Variants in PRR12 observed in about 807,000 individuals in gnomAD.
PRR12 encodes proline-rich protein 12.
PRR12 carries 12 observed loss-of-function variants against 138.0 expected under a neutral mutation model. The observed-to-expected ratio is 0.09, with a 90% confidence interval of 0.06 to 0.14. The LOEUF is 0.14. Among genes scored for constraint, PRR12 ranks in the 10% least tolerant of loss-of-function variants. The pLI is 1.00. For missense variants in PRR12, 2,692 were observed against 2,861.3 expected (o/e 0.94, Z 1.35); for synonymous variants, 1,567 against 1,291.7 (o/e 1.21, Z -4.57).
rs556503418 is a variant in PRR12 at position 49,614,468 on chromosome 19, G to C, written c.4774-65G>C. The C allele has an allele frequency of 1.7e-6, 2 of 1,192,822 alleles. No homozygotes were observed. The highest frequency in any genetic ancestry group is 5.2e-5 in the East Asian group (2 of 38,778). 73.9% of individuals were successfully genotyped at this position (1,192,822 alleles called of 1,614,324 possible). Reference sequence around the variant, plus strand: ...GTGAGGGAAGCCAGTGGGCCAGGGCGTAGGGGCAGTAGGTCTAGGAATGAG... The same window carrying C: ...GTGAGGGAAGCCAGTGGGCCAGGGCCTAGGGGCAGTAGGTCTAGGAATGAG... On this transcript the variant is annotated intron_variant, in intron 6 of 13. Coordinates refer to ENST00000418929, the MANE Select transcript of PRR12 (RefSeq NM_020719.3). This position sits in a 1 kb window ranked among gnomAD's most constrained non-coding sequence, Gnocchi z 5.0.
chr19:49,598,143 G>A (rs1299550646), intron 4 of PRR12, 130 bp downstream of exon 4: 3 of 1,057,892 alleles, frequency 2.8e-6, no homozygotes, highest in African/African-American at 1.7e-5. Flanking sequence ...GCACGATCTC[G>A]GTTCACTGCA....
intron 6 of PRR12, among the ~76,000 whole-genome samples, chr19:49,607,286 G>A (rs2080843498): frequency 6.6e-6 from 1 of 152,100 alleles, no homozygotes. Flanking sequence ...CCCGGATGTC[G>A]AGGCTACAGT....
chr19:49,594,367 C>A lies in PRR12; in HGVS notation c.200-87C>A. 2 of 1,337,254 alleles carry A rather than the reference C, an allele frequency of 1.5e-6. No individual in the cohort carries two copies. Among genetic ancestry groups the A allele is most frequent in the South Asian group, 1.5e-5 (1 of 68,272 alleles). The allele number at this position is 1,337,254 out of a possible 1,614,324, so 82.8% of individuals were successfully genotyped here. On this transcript the variant is annotated intron_variant, in intron 2 of 13. Coordinates refer to ENST00000418929, the MANE Select transcript of PRR12 (RefSeq NM_020719.3). The surrounding 1 kb of genome is among the most constrained non-coding windows in gnomAD (Gnocchi z 5.6). ...CTCCCATCCCCTCCTTTTCCTGATC[C>A]AACTTGCTTTTGGCCTCTTCCCTTT... is the stretch of plus-strand genomic sequence containing the variant.
intron 6 of PRR12, among the ~76,000 whole-genome samples, chr19:49,608,798 C>T (rs985400162): frequency 4.6e-5 from 7 of 151,948 alleles, no homozygotes; most frequent in African/African-American, 1.7e-4. Context: ...CATGATTACA[C>T]CACTGCACTC....
intron 6 of PRR12, among the ~76,000 whole-genome samples, chr19:49,602,121 T>C (rs1170126527): frequency 6.6e-6 from 1 of 152,214 alleles, no homozygotes; most frequent in Non-Finnish European, 1.5e-5. Flanking sequence ...TGTCTGTACA[T>C]GCATTACCTG....
intron 1 of PRR12, among the ~76,000 whole-genome samples, 197 bp downstream of exon 1, chr19:49,591,937 C>G (rs2080730818): frequency 6.6e-6 from 1 of 152,154 alleles, no homozygotes; most frequent in Non-Finnish European, 1.5e-5. Context: ...AAGCCAGCTC[C>G]GGCATGCAAA....
intron 5 of PRR12, among the ~76,000 whole-genome samples, chr19:49,600,472 G>A (rs1444789789): frequency 6.7e-6 from 1 of 148,484 alleles, no homozygotes; most frequent in Non-Finnish European, 1.5e-5. Flanking sequence ...GGCACAGAGG[G>A]GAGTGTTCAA....
intron 6 of PRR12, among the ~76,000 whole-genome samples, chr19:49,604,639 C>G (rs1034800437): frequency 9.9e-5 from 15 of 151,982 alleles, no homozygotes; most frequent in African/African-American, 3.6e-4. Flanking sequence ...CATCACGCCA[C>G]TGCACTCCAG....
chr19:49,615,680 G>C, intron 8 of PRR12, 67 bp from the exon 9 acceptor site: 1 of 1,358,814 alleles, frequency 7.4e-7, no homozygotes, highest in South Asian at 1.3e-5. Context: ...GCACTGAGCA[G>C]GGACCCTGAG....
rs1458058429 is a variant in PRR12 at position 49,597,105 on chromosome 19, C to A, written c.2770C>A (p.Pro924Thr). 1.7e-5 allele frequency: 27 copies of A among 1,551,184 alleles called. No individual in the cohort carries two copies. The highest frequency in any genetic ancestry group is 2.4e-5 in the Non-Finnish European group (27 of 1,147,502). Residue 924 changes from proline (P) to threonine (T), a missense_variant, in exon 4 of 14, where the codon CCG becomes ACG. Transcript: ENST00000418929. The surrounding 1 kb of genome is among the most constrained non-coding windows in gnomAD (Gnocchi z 6.3). The part of the protein sequence containing the change: ...RSPSPQGTKA[P>T]RFVPLTSICF... The stretch of plus-strand genomic sequence containing the variant: ...CCCCAGCCCGCAAGGCACCAAGGCG[C>A]CGCGTTTCGTGCCGCTCACCTCCAT...
At chr19:49,607,564 C>T (rs995642132) in intron 6 of PRR12, among the ~76,000 whole-genome samples, 3 of 151,544 alleles carry the variant, frequency 2.0e-5, no homozygotes, top group South Asian at 4.2e-4. Flanking sequence ...AAAAATTAGC[C>T]GGATATAGTG....
In PRR12 at chr19:49,595,502, C is replaced by T. The variant is rs1393275810; in HGVS notation, c.1167C>T (p.Tyr389=). 1 of 1,560,442 alleles carries T rather than the reference C, an allele frequency of 6.4e-7. No homozygotes were observed. ...GCCCCATCATTCAGTCGCCTGGGTACAAGACGGGCAAAGGTGGTTATGGAG... is the reference window on the plus strand; with the variant it reads ...GCCCCATCATTCAGTCGCCTGGGTATAAGACGGGCAAAGGTGGTTATGGAG... The part of the protein sequence containing the change: ...GYRPIIQSPG[Y]KTGKGGYGAA... The change falls in exon 4 of 14, where the codon TAC becomes TAT. Residue 389 remains tyrosine (Y), a synonymous_variant. Coordinates refer to ENST00000418929, the MANE Select transcript of PRR12 (RefSeq NM_020719.3).
chr19:49,598,391 T>C (rs1441334168), intron 4 of PRR12, among the ~76,000 whole-genome samples: 1 of 152,102 alleles, frequency 6.6e-6, no homozygotes, highest in African/African-American at 2.4e-5. Context: ...GTTTTGAGTC[T>C]TAAAGGACAG....
chr19:49,622,022 G>C (rs1296784725), intron 11 of PRR12, among the ~76,000 whole-genome samples: 1 of 152,214 alleles, frequency 6.6e-6, no homozygotes, highest in Non-Finnish European at 1.5e-5. Context: ...GGGATATTCT[G>C]GGATGGAATA....
Position 49,625,146 on chromosome 19 carries a change from C to G in PRR12, c.5910C>G (p.Leu1970=). The change falls in exon 13 of 14, where the codon CTC becomes CTG. Residue 1970 remains leucine, a synonymous_variant. Transcript: ENST00000418929. The surrounding 1 kb of genome is among the most constrained non-coding windows in gnomAD (Gnocchi z 5.5). ...VELEKSGYYT[L]YHSLHHYKYH... is the part of the protein sequence containing the mutation. ...TGGAAAAGTCGGGATACTATACACT[C>G]TACCATTCGCTCCACCACTATAAAT... 6.2e-7 allele frequency: 1 copy of G among 1,613,758 alleles called. No homozygotes were observed. Among genetic ancestry groups the G allele is most frequent in the South Asian group, 1.1e-5 (1 of 91,086 alleles).
rs1450487300 is a variant in PRR12, at chr19:49,595,980, G to A, written c.1645G>A (p.Gly549Arg). ...PALSGHGGGW[G>R]PSSLGGGGEA... The stretch of plus-strand genomic sequence containing the variant: ...GCTCTCGGGCCATGGGGGTGGCTGG[G>A]GACCCAGCTCCCTGGGAGGCGGCGG... Residue 549 changes from glycine (G) to arginine (R), a missense_variant, in exon 4 of 14, where the codon GGA becomes AGA. Gly to Arg is a moderately radical substitution (Grantham distance 125). Coordinates refer to ENST00000418929, the MANE Select transcript of PRR12 (RefSeq NM_020719.3). 1 of 1,600,664 alleles carries A rather than the reference G, an allele frequency of 6.2e-7. No individual in the cohort carries two copies. Among genetic ancestry groups the A allele is most frequent in the South Asian group, 1.1e-5 (1 of 91,066 alleles).
At chr19:49,598,816 C>G (rs889436083) in intron 4 of PRR12, among the ~76,000 whole-genome samples, 6 of 152,114 alleles carry the variant, frequency 3.9e-5, no homozygotes, top group African/African-American at 1.4e-4. Flanking sequence ...GACCCTGTCT[C>G]AAGAGATAAA....
Position 49,625,473 on chromosome 19 carries a change from G to A in PRR12, c.5977G>A (p.Glu1993Lys), listed in dbSNP as rs1269872388. Residue 1993 changes from glutamate to lysine, a missense_variant, in exon 14 of 14, where the codon GAG (glutamate) becomes AAG (lysine). By Grantham distance (56) the Glu-to-Lys change is moderately conservative. Coordinates refer to ENST00000418929, the MANE Select transcript of PRR12 (RefSeq NM_020719.3). This position sits in a 1 kb window ranked among gnomAD's most constrained non-coding sequence, Gnocchi z 5.5. Reference protein sequence around the residue: ...LRCRDQTLAIEGGAEDLGQEE... With the variant: ...LRCRDQTLAIKGGAEDLGQEE... ...TTGACCCCTGCAGACCCTGGCCATC[G>A]AGGGCGGCGCCGAGGACCTGGGCCA... 1.2e-6 allele frequency: 2 copies of A among 1,606,558 alleles called. No individual in the cohort carries two copies. The highest frequency in any genetic ancestry group is 8.5e-7 in the Non-Finnish European group (1 of 1,177,316).
chr19:49,623,671 T>G (rs1466357199), intron 11 of PRR12, among the ~76,000 whole-genome samples: 1 of 147,294 alleles, frequency 6.8e-6, no homozygotes, highest in Non-Finnish European at 1.5e-5. Flanking sequence ...GATGGGATGG[T>G]TAGGATAGGG....
Sources: allele counts gnomAD v4.1 joint callset (sites outside exome capture counted in the v4.1 genomes callset), GRCh38; gene constraint gnomAD v4.1.1; non-coding constraint Gnocchi (gnomAD v3.1); transcripts MANE v1.5; gene names NCBI Gene and HGNC (gene_info 2026-07-23, HGNC 2026-07-21).